MBP: variants seen among roughly 807,000 people sequenced by gnomAD.
MBP encodes the protein Golli-MBP.
MBP carries 16 observed loss-of-function variants against 35.8 expected under a neutral mutation model. The ratio of observed to expected loss-of-function variants is 0.45; its 90% CI spans 0.30 to 0.68. The LOEUF is 0.68. Among genes scored for constraint, MBP ranks in the 30% least tolerant of loss-of-function variants. The pLI, the probability that MBP is intolerant of heterozygous loss-of-function variation, is 0.08. For missense variants in MBP, 380 were observed against 404.7 expected, an observed-to-expected ratio of 0.94 and a Z score of 0.52; for synonymous variants, 143 against 159.6, an observed-to-expected ratio of 0.90 and a Z score of 0.78.
At chr18:77,009,636 C>A (rs520047) in intron 4 of MBP, among the ~76,000 whole-genome samples, 10,366 of 152,328 alleles carry the variant, frequency 0.068, 397 homozygotes, top group Middle Eastern at 0.14. Context: ...AAAGGCAGGT[C>A]CTCCATGCCC....
chr18:77,105,136 C>T, intron 2 of MBP, 75 bp downstream of exon 2: 2 of 1,432,510 alleles, frequency 1.4e-6, no homozygotes, highest in Non-Finnish European at 9.8e-7. Flanking sequence ...ATGCCCGTAG[C>T]CTCTGACACA....
intron 2 of MBP, among the ~76,000 whole-genome samples, chr18:77,081,854 ATATT>A (rs1411137248): frequency 1.3e-4 from 2 of 15,066 alleles, no homozygotes; most frequent in South Asian, 3.1e-3. Flanking sequence ...ATATATATAT[ATATT>A]TTTTTTTTTT....
chr18:77,011,486 C>T (rs1256768806), intron 4 of MBP, among the ~76,000 whole-genome samples: 2 of 152,190 alleles, frequency 1.3e-5, no homozygotes, highest in Non-Finnish European at 2.9e-5. Context: ...TGGCGTGAAG[C>T]CCCTCTACTG....
At chr18:77,104,781 A>C (rs1976191118) in intron 2 of MBP, among the ~76,000 whole-genome samples, 1 of 152,208 alleles carries the variant, frequency 6.6e-6, no homozygotes, top group African/African-American at 2.4e-5. Flanking sequence ...AGGAATTTAC[A>C]ATCTCTTTCC....
chr18:77,117,853 GGGTTGGAGTGGGACA>G, intron 1 of MBP, among the ~76,000 whole-genome samples: 1 of 81,686 alleles, frequency 1.2e-5, no homozygotes, highest in East Asian at 3.3e-4. Context: ...GGAGTGGGAT[GGGTTGGAGTGGGACA>G]GGGGACAGTG....
At chr18:77,091,806 C>A (rs1475134081) in intron 2 of MBP, among the ~76,000 whole-genome samples, 1 of 151,938 alleles carries the variant, frequency 6.6e-6, no homozygotes, top group African/African-American at 2.4e-5. Context: ...CATGTATACA[C>A]ACCACAGACA....
rs1235525217 is a variant in MBP, at chr18:77,019,962, C to G, written c.140-2694G>C. On this transcript the variant is annotated intron_variant, in intron 3 of 8. Coordinates refer to ENST00000355994, the MANE Select transcript of MBP (RefSeq NM_001025101.2). ...GAGGCAGGAGGGCCTGTGCAGGGAA[C>G]TGACCATCTGTGAGCAACAGCAGGG... Among the ~76,000 whole-genome samples, 7 of 152,154 alleles carry G rather than the reference C, an allele frequency of 4.6e-5. No homozygotes were observed. The East Asian group carries it at 1.3e-3, about 29-fold the overall frequency.
intron 3 of MBP, among the ~76,000 whole-genome samples, chr18:77,017,979 G>A (rs1033567790): frequency 6.6e-6 from 1 of 152,166 alleles, no homozygotes; most frequent in African/African-American, 2.4e-5. Flanking sequence ...AATCCATTTT[G>A]CTTTCAAGTT....
intron 4 of MBP, among the ~76,000 whole-genome samples, chr18:76,990,545 C>T (rs1296012218): frequency 6.6e-6 from 1 of 152,034 alleles, no homozygotes; most frequent in South Asian, 2.1e-4. Context: ...AAGATCCTGT[C>T]TAAACTAGCT....
At chr18:77,001,920 TCTTA>T (rs1283196379) in intron 4 of MBP, among the ~76,000 whole-genome samples, 1 of 152,206 alleles carries the variant, frequency 6.6e-6, no homozygotes, top group Admixed American at 6.5e-5. Context: ...ATGATAGTGT[TCTTA>T]CTGACACAGC....
chr18:77,047,038 A>G (rs1973286317), intron 3 of MBP, among the ~76,000 whole-genome samples: 1 of 152,196 alleles, frequency 6.6e-6, no homozygotes. Context: ...GTGTTCGATA[A>G]ACACCCAAAT....
At chr18:77,048,086 C>T (rs567201554) in intron 3 of MBP, among the ~76,000 whole-genome samples, 1 of 152,252 alleles carries the variant, frequency 6.6e-6, no homozygotes, top group African/African-American at 2.4e-5. Context: ...TCTGTTTTGA[C>T]CCCCCAAAGC....
intron 2 of MBP, among the ~76,000 whole-genome samples, chr18:77,085,491 C>T (rs1975184663): frequency 1.3e-5 from 2 of 152,036 alleles, no homozygotes; most frequent in East Asian, 1.9e-4. Flanking sequence ...ATCTCATGGC[C>T]CTTTTAGGGC....
intron 3 of MBP, among the ~76,000 whole-genome samples, chr18:77,024,461 G>A (rs1403378292): frequency 6.6e-6 from 1 of 152,214 alleles, no homozygotes; most frequent in Non-Finnish European, 1.5e-5. Flanking sequence ...CATTTAGCAT[G>A]GCTCTGAAGT....
intron 3 of MBP, among the ~76,000 whole-genome samples, chr18:77,052,969 G>T (rs12607027): frequency 6.6e-6 from 1 of 152,098 alleles, no homozygotes; most frequent in Non-Finnish European, 1.5e-5. Context: ...GGGGAACATG[G>T]GTGTGAGTCC....
At chr18:77,022,605 G>A (rs1239725831) in intron 3 of MBP, among the ~76,000 whole-genome samples, 1 of 152,188 alleles carries the variant, frequency 6.6e-6, no homozygotes, top group Non-Finnish European at 1.5e-5. Flanking sequence ...TGATTTTATA[G>A]CTGTGCTTTA....
At chr18:76,997,573 C>A (rs1416852653) in intron 4 of MBP, among the ~76,000 whole-genome samples, 1 of 152,228 alleles carries the variant, frequency 6.6e-6, no homozygotes, top group Non-Finnish European at 1.5e-5. Flanking sequence ...TCCTAAAGAG[C>A]TTTTGTGCTG....
rs1001516660 is a variant in MBP, at chr18:77,028,033, T to C, written c.140-10765A>G. The stretch of plus-strand genomic sequence containing the variant: ...TTATTGATCATTCTTGGGTGTTTCT[T>C]GCAGAGGGGGATTTGGCAGGGTCAT... On this transcript the variant is annotated intron_variant, in intron 3 of 8. Coordinates refer to ENST00000355994, the MANE Select transcript of MBP (RefSeq NM_001025101.2). 2.3e-4 allele frequency among the ~76,000 whole-genome samples: 34 copies of C among 146,796 alleles called. 1 individual carries two copies. In the Middle Eastern group the frequency reaches 0.01, roughly 45 times the overall value.
chr18:77,042,759 C>A (rs560454730), intron 3 of MBP, among the ~76,000 whole-genome samples: 37 of 152,358 alleles, frequency 2.4e-4, no homozygotes, highest in African/African-American at 7.9e-4. Context: ...GAAACGGCAT[C>A]CAACACCCAG....
Sources: allele counts gnomAD v4.1 joint callset (sites outside exome capture counted in the v4.1 genomes callset), GRCh38; gene constraint gnomAD v4.1.1; transcripts MANE v1.5; gene names NCBI Gene and HGNC (gene_info 2026-07-23, HGNC 2026-07-21).